PAN3: variants seen among roughly 807,000 people sequenced by gnomAD.
PAN3 encodes the protein poly(A) specific ribonuclease subunit PAN3.
PAN3 carries 19 observed loss-of-function variants against 96.2 expected under a neutral mutation model. The ratio of observed to expected loss-of-function variants is 0.20; its 90% CI spans 0.14 to 0.29. PAN3 has a LOEUF of 0.29. PAN3 is among the 10% of genes least tolerant of loss of function. The pLI is 1.00. For synonymous variants in PAN3, 433 were observed against 406.6 expected (o/e 1.06, Z -0.78); for missense variants, 882 against 1,108.1 (o/e 0.80, Z 2.90).
At chr13:28,278,116 T>C (rs1887205833) in intron 15 of PAN3, among the ~76,000 whole-genome samples, 1 of 152,254 alleles carries the variant, frequency 6.6e-6, no homozygotes, top group Non-Finnish European at 1.5e-5. Context: ...CAACAGTCTC[T>C]TTTAGCTTAC....
At chr13:28,255,418 A>G (rs748493130) in intron 6 of PAN3, among the ~76,000 whole-genome samples, 23 of 152,040 alleles carry the variant, frequency 1.5e-4, no homozygotes, top group Non-Finnish European at 3.2e-4. Context: ...AAGTTATTTT[A>G]TGTCTTTTAC....
rs371599428 is a variant in PAN3, at chr13:28,142,141, A to G, written c.430+3054A>G. ...ATTCCTTATGGATGGAGATTTCTTC[A>G]TAAGGAATCACAACCTAGGTATTAC... On this transcript the variant is annotated intron_variant, in intron 1 of 18. Transcript: ENST00000380958. Among the ~76,000 whole-genome samples, 742 of 152,294 alleles carry G rather than the reference A, an allele frequency of 4.9e-3. 6 individuals carry two copies. The highest frequency in any genetic ancestry group is 8.6e-3 in the Non-Finnish European group (583 of 68,030).
At chr13:28,238,103 A>G (rs1448882524) in intron 6 of PAN3, among the ~76,000 whole-genome samples, 1 of 152,238 alleles carries the variant, frequency 6.6e-6, no homozygotes, top group Non-Finnish European at 1.5e-5. Context: ...CCTAAGGTGT[A>G]GTTAAAACTG....
At chr13:28,190,512 G>C (rs1283091573) in intron 4 of PAN3, among the ~76,000 whole-genome samples, 1 of 152,058 alleles carries the variant, frequency 6.6e-6, no homozygotes, top group African/African-American at 2.4e-5. Flanking sequence ...CTCCTGCCTT[G>C]GCCTTCCAGA....
intron 18 of PAN3, among the ~76,000 whole-genome samples, chr13:28,288,901 A>G (rs1336655478): frequency 7.5e-6 from 1 of 133,928 alleles, no homozygotes. Context: ...ATCTAGGCTC[A>G]CTGCAAGCTC....
chr13:28,147,144 T>G (rs1870765343), intron 1 of PAN3, among the ~76,000 whole-genome samples: 1 of 152,260 alleles, frequency 6.6e-6, no homozygotes, highest in South Asian at 2.1e-4. Flanking sequence ...TAATTAGTAC[T>G]GGACCGAAAT....
chr13:28,167,081 A>ATTTTTTTTTTTTTTTTTTTTTTTTTT, intron 1 of PAN3, among the ~76,000 whole-genome samples: 1 of 127,620 alleles, frequency 7.8e-6, no homozygotes, highest in South Asian at 2.4e-4. Context: ...TTTTTATCTT[A>ATTTTTTTTTTTTTTTTTTTTTTTTTT]ATTTTTTTTT....
At chr13:28,142,166 C>T (rs1170315450) in intron 1 of PAN3, among the ~76,000 whole-genome samples, 1 of 152,094 alleles carries the variant, frequency 6.6e-6, no homozygotes, top group African/African-American at 2.4e-5. Flanking sequence ...CTAGGTATTA[C>T]TGAGAGATAC....
chr13:28,139,081 C>G lies in PAN3; in HGVS notation c.424C>G (p.Leu142Val), dbSNP rs1053624520. 1.6e-6 allele frequency: 2 copies of G among 1,268,480 alleles called. No homozygotes were observed. The highest frequency in any genetic ancestry group is 2.0e-6 in the Non-Finnish European group (2 of 1,008,378). 78.6% of individuals were successfully genotyped at this position (1,268,480 alleles called of 1,614,324 possible). A position where few individuals can be genotyped will look rare whatever the true frequency, so the allele number is the denominator to read the frequency against. The change falls in exon 1 of 19, where the codon CTG becomes GTG. Residue 142 changes from leucine (L) to valine (V), a missense_variant. By Grantham distance (32) the Leu-to-Val change is conservative. This residue lies in a region of PAN3 where 442 missense variants were observed against 422.8 expected (regional missense o/e 1.05). Transcript: ENST00000380958. ...GSSGGLDGPR[L>V]AIPGMDGGAL... is the part of the protein sequence containing the mutation. ...TAGCGGGGGACTCGATGGACCGCGG[C>G]TGGCAAGTGAGTGTTTTTCGGGCGG...
intron 17 of PAN3, among the ~76,000 whole-genome samples, chr13:28,281,821 A>G (rs1887495488): frequency 7.1e-6 from 1 of 140,788 alleles, no homozygotes; most frequent in African/African-American, 2.7e-5. Flanking sequence ...GCCAGGCTGG[A>G]GTGCAGTGGC....
At chr13:28,175,829 T>C (rs1467054093) in intron 2 of PAN3, among the ~76,000 whole-genome samples, 1 of 152,244 alleles carries the variant, frequency 6.6e-6, no homozygotes, top group African/African-American at 2.4e-5. Context: ...CTTAGCTTTT[T>C]TCTTCTCTTT....
At position 28,260,517 on chromosome 13, in the gene PAN3, C is replaced by T; in HGVS notation, c.1319C>T (p.Ala440Val). Residue 440 changes from alanine to valine, a missense_variant, in exon 8 of 19, where the codon GCA becomes GTA. Around this residue, in one of 3 missense-constraint regions of PAN3, gnomAD observed 364 missense variants for 513.6 expected, o/e 0.71. Coordinates refer to ENST00000380958, the MANE Select transcript of PAN3 (RefSeq NM_175854.8). ...HVAYMQPKAN[A>V]PSFFMADELR... The stretch of plus-strand genomic sequence containing the variant: ...GCTTATATGCAACCGAAAGCAAACG[C>T]ACCTTCCTTCTTCATGGCTGATGAA... The T allele has an allele frequency of 6.2e-7, 1 of 1,613,252 alleles. No individual in the cohort carries two copies. The highest frequency in any genetic ancestry group is 8.5e-7 in the Non-Finnish European group (1 of 1,179,236).
intron 6 of PAN3, among the ~76,000 whole-genome samples, chr13:28,237,705 T>A (rs1883239344): frequency 6.6e-6 from 1 of 152,244 alleles, no homozygotes; most frequent in Non-Finnish European, 1.5e-5. Flanking sequence ...ATTAACTTTG[T>A]ATCCCTCAAG....
intron 6 of PAN3, among the ~76,000 whole-genome samples, chr13:28,220,943 T>A (rs1003392621): frequency 6.6e-6 from 1 of 152,156 alleles, no homozygotes; most frequent in African/African-American, 2.4e-5. Context: ...TTTAGTTATC[T>A]TCTGCCCATA....
chr13:28,264,393 G>T (rs960596908), intron 9 of PAN3, among the ~76,000 whole-genome samples: 1 of 152,068 alleles, frequency 6.6e-6, no homozygotes, highest in Non-Finnish European at 1.5e-5. Flanking sequence ...ACAAAAATTA[G>T]CCAGGCGTGG....
Position 28,209,900 on chromosome 13 carries a change from CCTCCAGAGTAGCT to C in PAN3, c.853-10330_853-10318del, listed in dbSNP as rs1027689981. ...GGCTCAAGTCATCCTCCTATTTCAG[CCTCCAGAGTAGCT>C]GGGACTACAGGTGTGTGCTATCATG... is the stretch of plus-strand genomic sequence containing the variant. On this transcript the variant is annotated intron_variant, in intron 5 of 18. Transcript: ENST00000380958. Among the ~76,000 whole-genome samples the C allele has an allele frequency of 9.5e-4, 145 of 152,196 alleles. 2 individuals are homozygous for C. The highest frequency in any genetic ancestry group is 3.4e-3 in the African/African-American group (143 of 41,516).
chr13:28,277,525 T>C (rs1010210547), intron 15 of PAN3, 149 bp downstream of exon 15: 81 of 825,394 alleles, frequency 9.8e-5, no homozygotes, highest in Non-Finnish European at 1.4e-4. Flanking sequence ...AAAGTAAATA[T>C]TTCTTAGATA....
chr13:28,196,810 C>T (rs1002629963), intron 4 of PAN3, among the ~76,000 whole-genome samples: 1 of 152,204 alleles, frequency 6.6e-6, no homozygotes, highest in African/African-American at 2.4e-5. Flanking sequence ...GTCCTTGAAA[C>T]CATTTCTTCA....
At chr13:28,272,896 G>A (rs976989199) in intron 14 of PAN3, among the ~76,000 whole-genome samples, 5 of 152,238 alleles carry the variant, frequency 3.3e-5, no homozygotes, top group African/African-American at 1.2e-4. Context: ...ACTCTTAACT[G>A]TTCAAAATGA....
Sources: gnomAD v4.1 joint callset for allele counts (sites outside exome capture counted in the v4.1 genomes callset) on GRCh38, gnomAD v4.1.1 for gene constraint, gnomAD v4.1.1 regional missense constraint, MANE v1.5 for transcripts, NCBI Gene and HGNC (gene_info 2026-07-23, HGNC 2026-07-21) for gene names.